METAP1D: variants seen among roughly 807,000 people sequenced by gnomAD.
METAP1D encodes methionyl aminopeptidase type 1D, mitochondrial.
In METAP1D, 31 loss-of-function variants were observed where a neutral mutation model predicts 40.5. The ratio of observed to expected loss-of-function variants is 0.77; its 90% CI spans 0.58 to 1.03. The LOEUF (loss-of-function observed/expected upper bound fraction) is 1.03. Ranked by LOEUF, METAP1D falls within the 50% of genes least tolerant of loss-of-function variation. The pLI, the probability that METAP1D is intolerant of heterozygous loss-of-function variation, is 0.00. For synonymous variants in METAP1D, 151 were observed against 146.4 expected, an observed-to-expected ratio of 1.03 and a Z score of -0.22; for missense variants, 411 against 420.7, an observed-to-expected ratio of 0.98 and a Z score of 0.20.
At chr2:172,063,597 C>T (rs560116534) in intron 2 of METAP1D, 114 bp from the exon 3 acceptor site, 7 of 802,690 alleles carry the variant, frequency 8.7e-6, no homozygotes, top group African/African-American at 5.2e-5. Context: ...CTTCGGAGGT[C>T]GGTGCTCCGG....
intron 1 of METAP1D, among the ~76,000 whole-genome samples, chr2:172,032,828 C>T (rs922176045): frequency 2.6e-5 from 4 of 152,060 alleles, no homozygotes; most frequent in Admixed American, 2.6e-4. Flanking sequence ...GTTGGGAGGC[C>T]GAGGCAGGTG....
At chr2:172,044,766 C>T (rs552749030) in intron 1 of METAP1D, among the ~76,000 whole-genome samples, 2 of 133,464 alleles carry the variant, frequency 1.5e-5, no homozygotes, top group African/African-American at 5.1e-5. Context: ...ATTAGCTGGT[C>T]GTGGTGGCAC....
Position 172,066,306 on chromosome 2 carries a change from A to C in METAP1D, c.540A>C (p.Thr180=), listed in dbSNP as rs1163065143. ...GAGATATTATCAACATTGATGTCACAGTGAGTAAATCATATAAAAAATTGT... is the reference window on the plus strand; with the variant it reads ...GAGATATTATCAACATTGATGTCACCGTGAGTAAATCATATAAAAAATTGT... ...QDGDIINIDV[T]VYYNGYHGDT... is the part of the protein sequence containing the mutation. Residue 180 remains threonine (T), a splice_region_variant and synonymous_variant, in exon 5 of 10, where the codon ACA becomes ACC. Coordinates refer to ENST00000315796, the MANE Select transcript of METAP1D (RefSeq NM_199227.3). The C allele has an allele frequency of 6.2e-7, 1 of 1,610,146 alleles. No individual in the cohort carries two copies. The highest frequency in any genetic ancestry group is 8.5e-7 in the Non-Finnish European group (1 of 1,178,318).
Position 172,050,177 on chromosome 2 carries a change from A to G in METAP1D, c.41-11321A>G, listed in dbSNP as rs1188852009. The stretch of plus-strand genomic sequence containing the variant: ...AAGAAAGACATCCAGCAATATACCT[A>G]GGGCATGCTGTATCTAGAATTCAGT... On this transcript the variant is annotated intron_variant, in intron 1 of 9. Coordinates refer to ENST00000315796, the MANE Select transcript of METAP1D (RefSeq NM_199227.3). 2.0e-5 allele frequency among the ~76,000 whole-genome samples: 3 copies of G among 152,202 alleles called. No homozygotes were observed. The East Asian group carries it at 5.8e-4, about 29-fold the overall frequency.
intron 1 of METAP1D, among the ~76,000 whole-genome samples, chr2:172,013,823 CTTT>C (rs35639666): frequency 7.9e-4 from 101 of 127,782 alleles, no homozygotes; most frequent in Non-Finnish European, 9.3e-4. Flanking sequence ...CTTTTTTTTT[CTTT>C]TTTTTTTTTT....
At chr2:172,048,220 A>G (rs1464907260) in intron 1 of METAP1D, among the ~76,000 whole-genome samples, 3 of 152,168 alleles carry the variant, frequency 2.0e-5, no homozygotes, top group Non-Finnish European at 4.4e-5. Context: ...GGATCTCATG[A>G]TTACTTTGTG....
chr2:172,051,247 C>T (rs528466529), intron 1 of METAP1D, among the ~76,000 whole-genome samples: 14 of 152,166 alleles, frequency 9.2e-5, no homozygotes, highest in South Asian at 8.3e-4. Flanking sequence ...AGCTATAATT[C>T]GGCTAGCCTA....
chr2:172,073,452 A>T (rs1690471562), intron 6 of METAP1D, among the ~76,000 whole-genome samples: 1 of 152,192 alleles, frequency 6.6e-6, no homozygotes, highest in African/African-American at 2.4e-5. Context: ...ATCTGGATAC[A>T]AAGGTCAGTT....
chr2:172,001,198 G>A (rs7584187), intron 1 of METAP1D, among the ~76,000 whole-genome samples: 65,186 of 151,694 alleles, frequency 0.43, 15,528 homozygotes, highest in Middle Eastern at 0.59. Flanking sequence ...CTCCATAGAA[G>A]TCAGTGTGTA....
intron 1 of METAP1D, among the ~76,000 whole-genome samples, chr2:172,042,655 A>G (rs1206823957): frequency 2.3e-5 from 1 of 44,158 alleles, no homozygotes; most frequent in Middle Eastern, 0.015. Flanking sequence ...GTGTATGTGT[A>G]TATGTGTACA....
rs1197622285 is a variant in METAP1D at position 172,045,832 on chromosome 2, T to TAC, written c.41-15665_41-15664insCA. On this transcript the variant is annotated intron_variant, in intron 1 of 9. Transcript: ENST00000315796. ...GTGTGTGTGTGTGTATATATATATA[T>TAC]ATATATATATATATATATATATATA... Among the ~76,000 whole-genome samples the TAC allele has an allele frequency of 4.9e-4, 38 of 77,126 alleles. 2 individuals carry two copies. The highest frequency in any genetic ancestry group is 4.7e-3 in the East Asian group (17 of 3,586). The allele number at this position is 77,126 out of a possible 152,430, so 50.6% of individuals were successfully genotyped here.
chr2:172,062,819 T>C (rs559428518), intron 2 of METAP1D, among the ~76,000 whole-genome samples: 78 of 152,226 alleles, frequency 5.1e-4, no homozygotes, highest in Non-Finnish European at 8.7e-4. Context: ...CCTCAGCCCT[T>C]CCAGAGCTGC....
At chr2:172,009,806 A>C (rs536098347) in intron 1 of METAP1D, among the ~76,000 whole-genome samples, 1 of 152,266 alleles carries the variant, frequency 6.6e-6, no homozygotes, top group African/African-American at 2.4e-5. Context: ...CAGAAACAGA[A>C]GGACCTGAAC....
At chr2:172,045,727 GTGTGTATA>G (rs1472813386) in intron 1 of METAP1D, among the ~76,000 whole-genome samples, 2 of 82,152 alleles carry the variant, frequency 2.4e-5, no homozygotes, top group Admixed American at 1.2e-4. Flanking sequence ...GTGTGTGTGT[GTGTGTATA>G]TATATGTGTA....
chr2:172,023,127 G>T (rs1394327035), intron 1 of METAP1D, among the ~76,000 whole-genome samples: 5 of 152,312 alleles, frequency 3.3e-5, no homozygotes, highest in Admixed American at 1.3e-4. Context: ...GGCGGAGGTT[G>T]CAGTGAGCCG....
At chr2:172,079,338 C>A in intron 8 of METAP1D, 76 bp downstream of exon 8, 1 of 1,358,798 alleles carries the variant, frequency 7.4e-7, no homozygotes, top group South Asian at 1.2e-5. Flanking sequence ...GCCCGGCAGT[C>A]CGGTGAAGGA....
intron 1 of METAP1D, among the ~76,000 whole-genome samples, chr2:172,016,849 T>C (rs1688879400): frequency 6.6e-6 from 1 of 151,914 alleles, no homozygotes; most frequent in African/African-American, 2.4e-5. Flanking sequence ...CTCTAGGCCC[T>C]TTCCTCCTTG....
chr2:172,013,916 G>A (rs1395323197), intron 1 of METAP1D, among the ~76,000 whole-genome samples: 1 of 150,506 alleles, frequency 6.6e-6, no homozygotes, highest in Non-Finnish European at 1.5e-5. Context: ...CGCCTCCTGG[G>A]TTCAAGCGAT....
chr2:172,077,619 G>A (rs752960766), intron 6 of METAP1D, among the ~76,000 whole-genome samples, 178 bp from the exon 7 acceptor site: 19 of 152,062 alleles, frequency 1.2e-4, no homozygotes, highest in African/African-American at 1.4e-4. Context: ...GTGGTTGCAG[G>A]CAACAGCAAA....
Sources: gnomAD v4.1 joint callset for allele counts (sites outside exome capture counted in the v4.1 genomes callset) on GRCh38, gnomAD v4.1.1 for gene constraint, MANE v1.5 for transcripts, NCBI Gene and HGNC (gene_info 2026-07-23, HGNC 2026-07-21) for gene names.